The following NDUFA12 variants were observed in gnomAD, a reference collection of about 807,000 sequenced individuals.
NDUFA12 encodes the protein NADH dehydrogenase [ubiquinone] 1 alpha subcomplex subunit 12.
A neutral mutation model predicts 20.3 loss-of-function variants in NDUFA12; 17 were observed. That is an observed-to-expected ratio of 0.84 (90% CI 0.57 to 1.26). NDUFA12 has a LOEUF of 1.26. Among genes scored for constraint, NDUFA12 ranks in the 50% most tolerant of loss-of-function variants. The pLI, the probability that NDUFA12 is intolerant of heterozygous loss-of-function variation, is 0.00. For synonymous variants in NDUFA12, 72 were observed against 63.6 expected (o/e 1.13, Z -0.63); for missense variants, 191 against 183.7 (o/e 1.04, Z -0.23).
intron 2 of NDUFA12, 53 bp from the exon 3 acceptor site, chr12:94,994,310 G>C: frequency 7.6e-7 from 1 of 1,317,196 alleles, no homozygotes; most frequent in South Asian, 1.2e-5. Context: ...TTAAAGCATA[G>C]ATGCATAATA....
At chr12:94,976,117 A>G (rs1565812932) in intron 3 of NDUFA12, among the ~76,000 whole-genome samples, 1 of 152,202 alleles carries the variant, frequency 6.6e-6, no homozygotes, top group African/African-American at 2.4e-5. Context: ...TTATTTGCCT[A>G]ATTTATTTAA....
intron 3 of NDUFA12, among the ~76,000 whole-genome samples, chr12:94,977,622 G>C (rs7298902): frequency 0.079 from 12,087 of 152,138 alleles, 548 homozygotes; most frequent in East Asian, 0.16. Flanking sequence ...AAGCTATAAA[G>C]GAGTAGCAGA....
intron 3 of NDUFA12, 52 bp from the exon 4 acceptor site, chr12:94,971,672 T>C: frequency 6.3e-7 from 1 of 1,598,670 alleles, no homozygotes; most frequent in Non-Finnish European, 8.6e-7. Flanking sequence ...TACAGCATAG[T>C]GGAAGGACGG....
At chr12:95,003,343 G>A (rs990247853) in intron 1 of NDUFA12, among the ~76,000 whole-genome samples, 2 of 152,182 alleles carry the variant, frequency 1.3e-5, no homozygotes, top group African/African-American at 4.8e-5. Context: ...ACTCTCCAGG[G>A]CGTGGGAAAA....
chr12:94,987,015 A>G (rs1031395796), intron 3 of NDUFA12, among the ~76,000 whole-genome samples: 2 of 152,204 alleles, frequency 1.3e-5, no homozygotes, highest in African/African-American at 4.8e-5. Flanking sequence ...ACATAACCTC[A>G]AAGTGTCTCC....
chr12:95,001,092 C>G (rs1875010160), intron 2 of NDUFA12, among the ~76,000 whole-genome samples: 1 of 151,966 alleles, frequency 6.6e-6, no homozygotes, highest in African/African-American at 2.4e-5. Flanking sequence ...ATGGCTTAAG[C>G]CCAGGAGTTC....
intron 3 of NDUFA12, among the ~76,000 whole-genome samples, chr12:94,981,361 T>C (rs1181502713): frequency 6.6e-6 from 1 of 152,196 alleles, no homozygotes; most frequent in Non-Finnish European, 1.5e-5. Flanking sequence ...GGCAGGAGGA[T>C]GGCTTGAGCC....
chr12:95,001,462 A>G (rs1875023896), intron 2 of NDUFA12, among the ~76,000 whole-genome samples: 1 of 151,984 alleles, frequency 6.6e-6, no homozygotes, highest in Non-Finnish European at 1.5e-5. Flanking sequence ...TCTCCAAAAA[A>G]AAATTTTTTT....
chr12:95,000,911 C>T (rs1226246546), intron 2 of NDUFA12, among the ~76,000 whole-genome samples: 4 of 152,194 alleles, frequency 2.6e-5, no homozygotes, highest in Admixed American at 6.5e-5. Context: ...CAAACCTGCA[C>T]GTTGTGCACA....
intron 3 of NDUFA12, among the ~76,000 whole-genome samples, chr12:94,989,833 C>T (rs1874576217): frequency 6.6e-6 from 1 of 152,164 alleles, no homozygotes; most frequent in African/African-American, 2.4e-5. Flanking sequence ...ATTGAAATCA[C>T]ACCCCTACCC....
intron 3 of NDUFA12, among the ~76,000 whole-genome samples, chr12:94,975,328 A>C (rs1324701015): frequency 6.6e-6 from 1 of 152,206 alleles, no homozygotes; most frequent in Non-Finnish European, 1.5e-5. Flanking sequence ...ACATCAAGAG[A>C]TGTCAACAAA....
Position 94,983,277 on chromosome 12 carries a change from G to A in NDUFA12, c.257+10893C>T, listed in dbSNP as rs568899213. ...ACTGCCTCCTGGTATTCACACCCTTGTATAATACCCTCATTTTAAGTGTGG... is the reference window on the plus strand; with the variant it reads ...ACTGCCTCCTGGTATTCACACCCTTATATAATACCCTCATTTTAAGTGTGG... On this transcript the variant is annotated intron_variant, in intron 3 of 3. Transcript: ENST00000327772. Among the ~76,000 whole-genome samples the A allele has an allele frequency of 7.6e-4, 115 of 152,270 alleles. 1 individual carries two copies. The highest frequency in any genetic ancestry group is 2.7e-3 in the African/African-American group (112 of 41,536).
intron 2 of NDUFA12, among the ~76,000 whole-genome samples, chr12:94,996,471 G>T (rs1874836942): frequency 6.6e-6 from 1 of 151,614 alleles, no homozygotes; most frequent in Non-Finnish European, 1.5e-5. Context: ...ACCATGCCAG[G>T]CCCTAATTTT....
chr12:94,987,530 G>C (rs1344688683), intron 3 of NDUFA12, among the ~76,000 whole-genome samples: 1 of 152,110 alleles, frequency 6.6e-6, no homozygotes, highest in African/African-American at 2.4e-5. Flanking sequence ...GCTGGGTGTG[G>C]TGGCTCATGC....
chr12:94,981,489 T>G (rs1271218910), intron 3 of NDUFA12, among the ~76,000 whole-genome samples: 1 of 152,186 alleles, frequency 6.6e-6, no homozygotes, highest in Non-Finnish European at 1.5e-5. Flanking sequence ...TTAAATACTT[T>G]CAGGGTATTC....
chr12:94,984,522 C>A (rs193063689), intron 3 of NDUFA12, among the ~76,000 whole-genome samples: 5 of 151,388 alleles, frequency 3.3e-5, no homozygotes, highest in African/African-American at 1.2e-4. Context: ...AAGAGTGAAA[C>A]TCCGTCTCCA....
intron 3 of NDUFA12, among the ~76,000 whole-genome samples, chr12:94,976,142 A>G (rs1252752170): frequency 6.6e-6 from 1 of 152,200 alleles, no homozygotes; most frequent in Non-Finnish European, 1.5e-5. Flanking sequence ...TATAGATAGC[A>G]TTTATAAGTC....
Position 94,971,474 on chromosome 12 carries a change from T to G in NDUFA12, c.404A>C (p.Gln135Pro), listed in dbSNP as rs1160267691. 2 of 1,614,118 alleles carry G rather than the reference T, an allele frequency of 1.2e-6. No individual in the cohort carries two copies. Among genetic ancestry groups the G allele is most frequent in the Non-Finnish European group, 1.7e-6 (2 of 1,180,042 alleles). Residue 135 changes from glutamine (Q) to proline (P), a missense_variant, in exon 4 of 4, where the codon CAG becomes CCG. Coordinates refer to ENST00000327772, the MANE Select transcript of NDUFA12 (RefSeq NM_018838.5). Reference sequence around the variant, plus strand: ...AGGTGTTGAAGGTGGGATCCACTCCTGAATCTTCTTTCTAGTGGTAGAATA... The same window carrying G: ...AGGTGTTGAAGGTGGGATCCACTCCGGAATCTTCTTTCTAGTGGTAGAATA... ...VPYSTTRKKI[Q>P]EWIPPSTPYK
At chr12:94,989,611 G>A (rs1043456343) in intron 3 of NDUFA12, among the ~76,000 whole-genome samples, 8 of 152,132 alleles carry the variant, frequency 5.3e-5, no homozygotes, top group Non-Finnish European at 1.2e-4. Context: ...GTCATCAAAG[G>A]TACTCAGACC....
Sources: gnomAD v4.1 joint callset for allele counts (sites outside exome capture counted in the v4.1 genomes callset) on GRCh38, gnomAD v4.1.1 for gene constraint, MANE v1.5 for transcripts, NCBI Gene and HGNC (gene_info 2026-07-23, HGNC 2026-07-21) for gene names.